Variants in YAP1 observed in about 807,000 individuals in gnomAD.
The protein encoded by YAP1 is transcriptional coactivator YAP1.
Under a neutral mutation model 56.9 loss-of-function variants are expected in YAP1, and 5 were observed. The ratio of observed to expected loss-of-function variants is 0.09; its 90% CI spans 0.05 to 0.18. YAP1 has a LOEUF of 0.18. YAP1 is among the 10% of genes least tolerant of loss of function. YAP1 has a pLI of 1.00. For synonymous variants in YAP1, 265 were observed against 248.1 expected (o/e 1.07, Z -0.64); for missense variants, 539 against 651.8 (o/e 0.83, Z 1.88).
At chr11:102,226,802 TG>T (rs1950218832) in intron 7 of YAP1, among the ~76,000 whole-genome samples, 1 of 152,184 alleles carries the variant, frequency 6.6e-6, no homozygotes, top group Non-Finnish European at 1.5e-5. Flanking sequence ...CGTTTCGTAC[TG>T]AAGTGTTTGA....
rs756815584 is a variant in YAP1, at chr11:102,229,710, A to G, written c.1285A>G (p.Ile429Val). 5 of 1,614,056 alleles carry G rather than the reference A, an allele frequency of 3.1e-6. No individual in the cohort carries two copies. Among genetic ancestry groups the G allele is most frequent in the South Asian group, 2.2e-5 (2 of 91,076 alleles). ...SVDEMDTGDT[I>V]NQSTLPSQQN... Reference sequence around the variant, plus strand: ...CTGTGTGTTTCCACTAGGTGATACTATCAACCAAAGCACCCTGCCCTCACA... The same window carrying G: ...CTGTGTGTTTCCACTAGGTGATACTGTCAACCAAAGCACCCTGCCCTCACA... Residue 429 changes from isoleucine to valine, a missense_variant, in exon 9 of 9, where the codon ATC becomes GTC. Physicochemically the swap from Ile to Val is conservative, Grantham distance 29. Transcript: ENST00000282441.
At chr11:102,117,020 A>G (rs1943327038) in intron 2 of YAP1, among the ~76,000 whole-genome samples, 2 of 152,334 alleles carry the variant, frequency 1.3e-5, no homozygotes, top group East Asian at 3.9e-4. Context: ...TTATGAAATA[A>G]GATTATTTCA....
At chr11:102,188,463 TA>T (rs1287378337) in intron 4 of YAP1, among the ~76,000 whole-genome samples, 1 of 152,228 alleles carries the variant, frequency 6.6e-6, no homozygotes, top group Non-Finnish European at 1.5e-5. Flanking sequence ...GCTTTAAGAT[TA>T]AACATATTTA....
At chr11:102,185,925 A>G in intron 3 of YAP1, 93 bp from the exon 4 acceptor site, 1 of 1,223,576 alleles carries the variant, frequency 8.2e-7, no homozygotes, top group Non-Finnish European at 1.1e-6. Flanking sequence ...TTATGTTAAG[A>G]TGTGTTTTCT....
chr11:102,124,778 C>G (rs1943926461), intron 2 of YAP1, among the ~76,000 whole-genome samples: 1 of 152,106 alleles, frequency 6.6e-6, no homozygotes, highest in South Asian at 2.1e-4. Context: ...CTCTGCTGCC[C>G]AGGTTCGAGT....
At chr11:102,151,905 T>G (rs58421489) in intron 2 of YAP1, among the ~76,000 whole-genome samples, 12,184 of 152,158 alleles carry the variant, frequency 0.08, 774 homozygotes, top group African/African-American at 0.16. Flanking sequence ...GAGGGAGGAT[T>G]GGGCTACAAG....
At chr11:102,189,514 G>T (rs566897567) in intron 4 of YAP1, among the ~76,000 whole-genome samples, 1 of 152,260 alleles carries the variant, frequency 6.6e-6, no homozygotes, top group Admixed American at 6.5e-5. Context: ...CAAAATATTG[G>T]AGCAAGAGAT....
intron 6 of YAP1, among the ~76,000 whole-genome samples, chr11:102,213,885 C>T (rs1044972917): frequency 6.6e-6 from 1 of 152,138 alleles, no homozygotes; most frequent in African/African-American, 2.4e-5. Context: ...CGAGACCTGC[C>T]TGGCCAATAT....
intron 6 of YAP1, among the ~76,000 whole-genome samples, chr11:102,217,966 G>T (rs1949741818): frequency 6.6e-6 from 1 of 152,126 alleles, no homozygotes; most frequent in Non-Finnish European, 1.5e-5. Flanking sequence ...CTCCCAAAGT[G>T]CTGGGATTAC....
chr11:102,224,195 A>C (rs1456669458), intron 7 of YAP1, among the ~76,000 whole-genome samples: 1 of 152,210 alleles, frequency 6.6e-6, no homozygotes, highest in Non-Finnish European at 1.5e-5. Flanking sequence ...TCATGTTCTT[A>C]AGGGCTATAG....
chr11:102,191,278 C>T (rs1244909135), intron 4 of YAP1, among the ~76,000 whole-genome samples: 1 of 152,024 alleles, frequency 6.6e-6, no homozygotes, highest in African/African-American at 2.4e-5. Context: ...CTCTTCTGAT[C>T]ACTGCAGAAC....
chr11:102,222,977 G>T (rs1163336910), intron 6 of YAP1, among the ~76,000 whole-genome samples: 1 of 151,988 alleles, frequency 6.6e-6, no homozygotes, highest in Non-Finnish European at 1.5e-5. Context: ...GGGCGCGGTG[G>T]CTCACGTCTG....
chr11:102,185,210 T>C (rs890697706), intron 3 of YAP1, among the ~76,000 whole-genome samples: 5 of 152,218 alleles, frequency 3.3e-5, no homozygotes, highest in Admixed American at 6.5e-5. Flanking sequence ...TTTAGTTATT[T>C]ATTCTGGGCC....
intron 3 of YAP1, among the ~76,000 whole-genome samples, chr11:102,184,801 G>A (rs890725999): frequency 6.6e-6 from 1 of 152,160 alleles, no homozygotes. Flanking sequence ...TGGGAGATGA[G>A]TGAAAAGAAG....
intron 6 of YAP1, among the ~76,000 whole-genome samples, chr11:102,223,389 A>G (rs943199304): frequency 2.6e-5 from 4 of 152,048 alleles, no homozygotes; most frequent in Non-Finnish European, 4.4e-5. Flanking sequence ...CAAAATGTAT[A>G]TAGGGTGGGG....
intron 3 of YAP1, among the ~76,000 whole-genome samples, chr11:102,166,582 A>C (rs1355232907): frequency 6.6e-6 from 1 of 152,172 alleles, no homozygotes; most frequent in African/African-American, 2.4e-5. Flanking sequence ...AAAGCAGAAA[A>C]TGGCTTCCGT....
chr11:102,160,130 T>C (rs1485373538), intron 2 of YAP1, among the ~76,000 whole-genome samples: 2 of 151,568 alleles, frequency 1.3e-5, no homozygotes, highest in Non-Finnish European at 2.9e-5. Flanking sequence ...TTTAAGCGAT[T>C]CTCCTGCCTT....
chr11:102,146,636 A>G (rs185718433), intron 2 of YAP1, among the ~76,000 whole-genome samples: 4 of 152,204 alleles, frequency 2.6e-5, no homozygotes, highest in Admixed American at 1.3e-4. Flanking sequence ...TACTTTACTC[A>G]TTTTTATTCC....
chr11:102,222,641 T>C (rs1192646762), intron 6 of YAP1, among the ~76,000 whole-genome samples: 18 of 152,198 alleles, frequency 1.2e-4, no homozygotes, highest in Admixed American at 9.8e-4. Context: ...TTAAATATTA[T>C]GTTTGTGGTG....
Sources: gnomAD v4.1 joint callset for allele counts (sites outside exome capture counted in the v4.1 genomes callset) on GRCh38, gnomAD v4.1.1 for gene constraint, MANE v1.5 for transcripts, NCBI Gene and HGNC (gene_info 2026-07-23, HGNC 2026-07-21) for gene names.